IER3IP1: variants seen among roughly 807,000 people sequenced by gnomAD.
IER3IP1 encodes the protein immediate early response 3 interacting protein 1.
In IER3IP1, 16 loss-of-function variants were observed where a neutral mutation model predicts 12.2. The ratio of observed to expected loss-of-function variants is 1.31; its 90% CI spans 0.89 to 1.99. The LOEUF is 1.99. IER3IP1 is among the 30% of genes most tolerant of loss of function. IER3IP1 has a pLI of 0.00. For synonymous variants in IER3IP1, 42 were observed against 40.0 expected (o/e 1.05, Z -0.19); for missense variants, 95 against 95.8 (o/e 0.99, Z 0.03).
chr18:47,157,339 C>G (rs905537985), intron 2 of IER3IP1, 97 bp downstream of exon 2: 2 of 985,778 alleles, frequency 2.0e-6, no homozygotes, highest in Non-Finnish European at 3.2e-6. Context: ...AAAAAATTCC[C>G]ACTACAAATG....
At chr18:47,171,797 T>C (rs368063699) in intron 1 of IER3IP1, among the ~76,000 whole-genome samples, 1 of 152,166 alleles carries the variant, frequency 6.6e-6, no homozygotes, top group East Asian at 1.9e-4. Context: ...TTCTCTTTTT[T>C]GGTCTTTTTT....
At chr18:47,162,610 C>A in intron 1 of IER3IP1, among the ~76,000 whole-genome samples, 1 of 151,700 alleles carries the variant, frequency 6.6e-6, no homozygotes, top group African/African-American at 2.4e-5. Flanking sequence ...TTAAGAACAC[C>A]TACCAAACAC....
At chr18:47,175,827 AC>A (rs1416996716) in intron 1 of IER3IP1, among the ~76,000 whole-genome samples, 1 of 151,674 alleles carries the variant, frequency 6.6e-6, no homozygotes, top group African/African-American at 2.4e-5. Context: ...TAGTCACAGG[AC>A]CGCGACACTG....
chr18:47,163,632 A>G (rs1195623769), intron 1 of IER3IP1, among the ~76,000 whole-genome samples: 1 of 152,170 alleles, frequency 6.6e-6, no homozygotes, highest in Admixed American at 6.5e-5. Context: ...TCCATAGCAT[A>G]AGTCAATAGT....
At chr18:47,163,273 C>T (rs75901436) in intron 1 of IER3IP1, among the ~76,000 whole-genome samples, 7,984 of 152,084 alleles carry the variant, frequency 0.052, 255 homozygotes, top group East Asian at 0.091. Context: ...ATAAGCACTG[C>T]GATATTACAA....
At chr18:47,164,771 C>G (rs1036815503) in intron 1 of IER3IP1, among the ~76,000 whole-genome samples, 1 of 146,396 alleles carries the variant, frequency 6.8e-6, no homozygotes, top group African/African-American at 2.7e-5. Flanking sequence ...GCCAGAGACC[C>G]TCTTTCCAAA....
At chr18:47,164,785 A>G (rs1443102046) in intron 1 of IER3IP1, among the ~76,000 whole-genome samples, 3 of 151,234 alleles carry the variant, frequency 2.0e-5, no homozygotes, top group Non-Finnish European at 4.4e-5. Flanking sequence ...TTCCAAAAAA[A>G]AAAAACAAGA....
intron 1 of IER3IP1, among the ~76,000 whole-genome samples, chr18:47,164,989 A>G (rs965578067): frequency 6.6e-6 from 1 of 152,214 alleles, no homozygotes; most frequent in African/African-American, 2.4e-5. Flanking sequence ...AGTCACATAC[A>G]AAATGGCAAT....
chr18:47,173,466 T>C (rs993758393), intron 1 of IER3IP1, among the ~76,000 whole-genome samples: 2 of 152,140 alleles, frequency 1.3e-5, no homozygotes, highest in Non-Finnish European at 2.9e-5. Flanking sequence ...TGCCTAAGCC[T>C]CCAGAGTAGC....
chr18:47,167,092 C>T (rs2063998400), intron 1 of IER3IP1, among the ~76,000 whole-genome samples: 1 of 151,992 alleles, frequency 6.6e-6, no homozygotes, highest in South Asian at 2.1e-4. Flanking sequence ...ACTCTGTCAC[C>T]CAGGCTGGAG....
At chr18:47,171,319 T>C (rs892195381) in intron 1 of IER3IP1, among the ~76,000 whole-genome samples, 1 of 152,208 alleles carries the variant, frequency 6.6e-6, no homozygotes, top group African/African-American at 2.4e-5. Flanking sequence ...AAAAGAGATA[T>C]AGGTCGATAG....
intron 1 of IER3IP1, among the ~76,000 whole-genome samples, chr18:47,162,444 T>C (rs2063982902): frequency 6.6e-6 from 1 of 152,114 alleles, no homozygotes; most frequent in African/African-American, 2.4e-5. Flanking sequence ...ATGCAAGAAG[T>C]AGAAAAATGC....
rs2063948351 is a variant in IER3IP1 at position 47,153,576 on chromosome 18, G to A, written c.*2601C>T. The stretch of plus-strand genomic sequence containing the variant: ...CACCCTCAAATAGCCCCCAGTGTCT[G>A]TTGTCCCCCTCCTTATGTCCATGAG... On this transcript the variant is annotated 3_prime_UTR_variant, in exon 3 of 3. Coordinates refer to ENST00000256433, the MANE Select transcript of IER3IP1 (RefSeq NM_016097.5). The A allele has an allele frequency of 6.6e-6, 1 of 152,038 alleles. No homozygotes were observed. The highest frequency in any genetic ancestry group is 2.1e-4 in the South Asian group (1 of 4,786). The allele number at this position is 152,038 out of a possible 1,614,324, so 9.4% of individuals were successfully genotyped here.
intron 1 of IER3IP1, among the ~76,000 whole-genome samples, chr18:47,164,313 G>T (rs1487588083): frequency 6.6e-6 from 1 of 151,882 alleles, no homozygotes; most frequent in Non-Finnish European, 1.5e-5. Flanking sequence ...TTTGGATGGA[G>T]AGAGTAAATA....
chr18:47,163,001 G>GTACAGTAATCCCCCCTTATCTATGGGGCA (rs1568072156), intron 1 of IER3IP1, among the ~76,000 whole-genome samples: 2 of 152,026 alleles, frequency 1.3e-5, no homozygotes, highest in Non-Finnish European at 2.9e-5. Context: ...AGAAGTATGT[G>GTACAGTAATCCCCCCTTATCTATGGGGCA]TACAGTAATC....
rs377067906 is a variant in IER3IP1, at chr18:47,164,929, T to A, written c.92-7392A>T. On this transcript the variant is annotated intron_variant, in intron 1 of 2. Coordinates refer to ENST00000256433, the MANE Select transcript of IER3IP1 (RefSeq NM_016097.5). Reference sequence around the variant, plus strand: ...CAGAAATAAAGTTGAATAGAAAAAGTTACTGACTGCAACCACCAAACACAT... The same window carrying A: ...CAGAAATAAAGTTGAATAGAAAAAGATACTGACTGCAACCACCAAACACAT... Among the ~76,000 whole-genome samples the A allele has an allele frequency of 9.9e-5, 15 of 152,276 alleles. No individual in the cohort carries two copies. In the East Asian group the frequency reaches 2.7e-3, roughly 27 times the overall value.
chr18:47,169,102 A>G (rs916359671), intron 1 of IER3IP1, among the ~76,000 whole-genome samples: 4 of 152,206 alleles, frequency 2.6e-5, no homozygotes, highest in African/African-American at 9.6e-5. Context: ...AGCACCAAGC[A>G]ACCACTAATC....
intron 1 of IER3IP1, among the ~76,000 whole-genome samples, chr18:47,158,724 G>T (rs1380511040): frequency 6.6e-6 from 1 of 151,130 alleles, no homozygotes; most frequent in Non-Finnish European, 1.5e-5. Flanking sequence ...ACTTTGGGAG[G>T]CCAAGGCTGG....
chr18:47,173,847 C>T (rs911311247), intron 1 of IER3IP1, among the ~76,000 whole-genome samples: 2 of 152,140 alleles, frequency 1.3e-5, no homozygotes, highest in African/African-American at 2.4e-5. Context: ...TGCTGGAAAT[C>T]CTTGGTATAC....
Sources: gnomAD v4.1 joint callset for allele counts (sites outside exome capture counted in the v4.1 genomes callset) on GRCh38, gnomAD v4.1.1 for gene constraint, MANE v1.5 for transcripts, NCBI Gene and HGNC (gene_info 2026-07-23, HGNC 2026-07-21) for gene names.